The following DHDDS variants were observed in gnomAD, a reference collection of about 807,000 sequenced individuals.
DHDDS encodes the protein dehydrodolichyl diphosphate synthase subunit, also known as dehydrodolichyl diphosphate synthase complex subunit DHDDS.
DHDDS carries 16 observed loss-of-function variants against 46.2 expected under a neutral mutation model. The ratio of observed to expected loss-of-function variants is 0.35; its 90% CI spans 0.23 to 0.53. The LOEUF is 0.53. Ranked by LOEUF, DHDDS falls within the 20% of genes least tolerant of loss-of-function variation. DHDDS has a pLI of 0.94. For missense variants in DHDDS, 340 were observed against 423.7 expected (o/e 0.80, Z 1.73); for synonymous variants, 151 against 163.1 (o/e 0.93, Z 0.56).
intron 2 of DHDDS, among the ~76,000 whole-genome samples, chr1:26,435,768 C>T (rs1209098529): frequency 1.3e-5 from 2 of 152,082 alleles, no homozygotes; most frequent in East Asian, 1.9e-4. Flanking sequence ...GCATCTGCCA[C>T]CACACCTGGC....
rs1342726019 is a variant in DHDDS, at chr1:26,455,736, A to T, written c.543-2055A>T. On this transcript the variant is annotated intron_variant, in intron 6 of 8. Coordinates refer to ENST00000236342, the MANE Select transcript of DHDDS (RefSeq NM_205861.3). ...ACTCCAGCCTGGGTGACAGCGCAAG[A>T]CTCCATCTCCAAAAAAAAGATGAAT... 6.6e-5 allele frequency among the ~76,000 whole-genome samples: 10 copies of T among 151,994 alleles called. No individual in the cohort carries two copies. In the South Asian group the frequency reaches 2.1e-3, roughly 32 times the overall value.
At position 26,442,738 on chromosome 1, in the gene DHDDS, G is replaced by C; in HGVS notation, c.188G>C (p.Arg63Pro). 1 of 1,613,994 alleles carries C rather than the reference G, an allele frequency of 6.2e-7. No individual in the cohort carries two copies. The highest frequency in any genetic ancestry group is 2.2e-5 in the East Asian group (1 of 44,884). ...QGFNKLAETL[R>P]WCLNLGILEV... Reference sequence around the variant, plus strand: ...TGCCTTCTCCCCTCTCAGACTCTGCGGTGGTGTTTGAACCTGGGCATCCTA... The same window carrying C: ...TGCCTTCTCCCCTCTCAGACTCTGCCGTGGTGTTTGAACCTGGGCATCCTA... Residue 63 changes from arginine (R) to proline (P), a missense_variant, in exon 4 of 9, where the codon CGG becomes CCG. Transcript: ENST00000236342.
intron 8 of DHDDS, chr1:26,462,801 C>T (rs544557128): frequency 6.6e-6 from 1 of 152,290 alleles, no homozygotes; most frequent in Admixed American, 6.5e-5. Flanking sequence ...GAATCAGGCA[C>T]TGTATTAGGC....
At chr1:26,456,549 C>T (rs183240394) in intron 6 of DHDDS, among the ~76,000 whole-genome samples, 3 of 152,226 alleles carry the variant, frequency 2.0e-5, no homozygotes, top group Admixed American at 2.0e-4. Flanking sequence ...TGCGGCACCA[C>T]ACCCAGCTAA....
Position 26,469,140 on chromosome 1 carries a change from G to A in DHDDS, c.*9G>A. The A allele has an allele frequency of 6.2e-7, 1 of 1,611,196 alleles. No individual in the cohort carries two copies. On this transcript the variant is annotated 3_prime_UTR_variant, in exon 9 of 9. Transcript: ENST00000236342. Reference sequence around the variant, plus strand: ...GCACTGCATCAGCCTGAATGAGGCTGGCCACCTGCCACTTTGCCCTGCCCT... The same window carrying A: ...GCACTGCATCAGCCTGAATGAGGCTAGCCACCTGCCACTTTGCCCTGCCCT...
At chr1:26,464,119 T>C (rs1466109697) in intron 8 of DHDDS, among the ~76,000 whole-genome samples, 1 of 148,536 alleles carries the variant, frequency 6.7e-6, no homozygotes, top group South Asian at 2.2e-4. Flanking sequence ...CAGCCTCCCA[T>C]GTAGCTGGGA....
At chr1:26,437,638 G>A (rs1382403095) in intron 2 of DHDDS, among the ~76,000 whole-genome samples, 1 of 151,904 alleles carries the variant, frequency 6.6e-6, no homozygotes, top group African/African-American at 2.4e-5. Context: ...ATCATACCCG[G>A]CTAATTTTTG....
In DHDDS at chr1:26,447,568, G is replaced by T; in HGVS notation, c.450G>T (p.Leu150=). The T allele has an allele frequency of 6.2e-7, 1 of 1,614,052 alleles. No homozygotes were observed. Among genetic ancestry groups the T allele is most frequent in the Non-Finnish European group, 8.5e-7 (1 of 1,179,920 alleles). The part of the protein sequence containing the change: ...QATKNYNKCF[L]NVCFAYTSRH... ...CTTCTTCCCTCCTCAGGTGTTTCCT[G>T]AATGTCTGTTTTGCATACACATCCC... Residue 150 remains leucine, a synonymous_variant, in exon 6 of 9, where the codon CTG becomes CTT. Coordinates refer to ENST00000236342, the MANE Select transcript of DHDDS (RefSeq NM_205861.3).
intron 8 of DHDDS, among the ~76,000 whole-genome samples, chr1:26,460,981 C>T (rs912757629): frequency 6.6e-6 from 1 of 152,196 alleles, no homozygotes; most frequent in Admixed American, 6.5e-5. Context: ...TTGAACGATT[C>T]TCCTGTCTCA....
chr1:26,433,746 T>C (rs2075126433), intron 2 of DHDDS, among the ~76,000 whole-genome samples: 1 of 152,112 alleles, frequency 6.6e-6, no homozygotes, highest in African/African-American at 2.4e-5. Context: ...TGTTCTTTTT[T>C]TTATTTTGAG....
chr1:26,441,730 A>C (rs2075221163), intron 3 of DHDDS, among the ~76,000 whole-genome samples: 1 of 151,772 alleles, frequency 6.6e-6, no homozygotes, highest in South Asian at 2.1e-4. Flanking sequence ...CCCCATCTCT[A>C]CTAAAAATAC....
intron 4 of DHDDS, among the ~76,000 whole-genome samples, chr1:26,444,511 G>T (rs1237906451): frequency 6.6e-6 from 1 of 152,150 alleles, no homozygotes; most frequent in South Asian, 2.1e-4. Context: ...AGCCAAGGAG[G>T]GTACATTGCT....
chr1:26,465,814 A>C (rs1222256956), intron 8 of DHDDS, among the ~76,000 whole-genome samples: 1 of 152,176 alleles, frequency 6.6e-6, no homozygotes, highest in Non-Finnish European at 1.5e-5. Context: ...GCTTCAGAAC[A>C]TCATGTTTCT....
chr1:26,448,193 CTTTTTT>C (rs11300095), intron 6 of DHDDS: 5 of 121,380 alleles, frequency 4.1e-5, no homozygotes, highest in Admixed American at 1.7e-4. Context: ...TTTTTCTTTT[CTTTTTT>C]TTTTTTTTTT....
chr1:26,443,619 G>T (rs758484386), intron 4 of DHDDS, among the ~76,000 whole-genome samples: 4 of 152,152 alleles, frequency 2.6e-5, no homozygotes, highest in Non-Finnish European at 4.4e-5. Flanking sequence ...GCTCCTACCT[G>T]TACCAGGAAG....
At chr1:26,467,610 G>C (rs2075505443) in intron 8 of DHDDS, 2 of 299,972 alleles carry the variant, frequency 6.7e-6, no homozygotes, top group South Asian at 5.9e-5. Flanking sequence ...GGCAACAGAT[G>C]AAGTGGTTGT....
intron 8 of DHDDS, chr1:26,466,271 T>C (rs945992271): frequency 6.6e-6 from 1 of 152,186 alleles, no homozygotes; most frequent in Non-Finnish European, 1.5e-5. Flanking sequence ...CTCTAGGACT[T>C]CTGTTAGCTT....
At chr1:26,465,087 A>AG (rs1192163581) in intron 8 of DHDDS, among the ~76,000 whole-genome samples, 1 of 152,128 alleles carries the variant, frequency 6.6e-6, no homozygotes, top group Non-Finnish European at 1.5e-5. Context: ...CAGGCCAGGG[A>AG]GGGGGTGTGC....
chr1:26,443,580 A>G (rs1357996311), intron 4 of DHDDS, among the ~76,000 whole-genome samples: 1 of 152,198 alleles, frequency 6.6e-6, no homozygotes, highest in Non-Finnish European at 1.5e-5. Context: ...AATTGCCCGA[A>G]AGTCTTAGTT....
Sources: gnomAD v4.1 joint callset for allele counts (sites outside exome capture counted in the v4.1 genomes callset) on GRCh38, gnomAD v4.1.1 for gene constraint, MANE v1.5 for transcripts, NCBI Gene and HGNC (gene_info 2026-07-23, HGNC 2026-07-21) for gene names.